Variants in TBX15 observed in about 807,000 individuals in gnomAD.
TBX15 encodes T-box transcription factor 15, also known as T-box transcription factor TBX15.
Under a neutral mutation model 53.9 loss-of-function variants are expected in TBX15, and 18 were observed. The observed-to-expected ratio is 0.33, with a 90% confidence interval of 0.23 to 0.49. The LOEUF (loss-of-function observed/expected upper bound fraction) is 0.49. Among genes scored for constraint, TBX15 ranks in the 20% least tolerant of loss-of-function variants. The pLI, the probability that TBX15 is intolerant of heterozygous loss-of-function variation, is 0.98. For missense variants in TBX15, 692 were observed against 749.5 expected (o/e 0.92, Z 0.90); for synonymous variants, 295 against 278.0 (o/e 1.06, Z -0.61).
chr1:118,899,111 G>T lies in TBX15; in HGVS notation c.941C>A (p.Ala314Asp). The part of the protein sequence containing the change: ...DSGRNRTGLE[A>D]IMETYAFWRP... ...CCAGAATGCATATGTCTCCATGATGGCTTCAAGTCCAGTTCTGACAAGAGA... is the reference window on the plus strand; with the variant it reads ...CCAGAATGCATATGTCTCCATGATGTCTTCAAGTCCAGTTCTGACAAGAGA... The change falls in exon 7 of 8, where the codon GCC (alanine) becomes GAC (aspartate). Residue 314 changes from alanine (A) to aspartate (D), a missense_variant. By Grantham distance (126) the Ala-to-Asp change is moderately radical. Transcript: ENST00000369429. 2 of 1,613,530 alleles carry T rather than the reference G, an allele frequency of 1.2e-6. No individual in the cohort carries two copies. The highest frequency in any genetic ancestry group is 8.5e-7 in the Non-Finnish European group (1 of 1,179,644).
At chr1:118,886,948 G>A (rs1653964843) in intron 7 of TBX15, among the ~76,000 whole-genome samples, 1 of 152,212 alleles carries the variant, frequency 6.6e-6, no homozygotes, top group African/African-American at 2.4e-5. Flanking sequence ...CCGACAGACT[G>A]AGGACCAGTT....
At chr1:118,899,498 T>C (rs904776097) in intron 6 of TBX15, among the ~76,000 whole-genome samples, 13 of 152,172 alleles carry the variant, frequency 8.5e-5, no homozygotes, top group Non-Finnish European at 1.9e-4. Context: ...CACAGAACAA[T>C]GTCGTCATCA....
At position 118,884,677 on chromosome 1, in the gene TBX15, C is replaced by T. The variant is rs916591526; in HGVS notation, c.*55G>A. 21 of 1,608,844 alleles carry T rather than the reference C, an allele frequency of 1.3e-5. No individual in the cohort carries two copies. Among genetic ancestry groups the T allele is most frequent in the African/African-American group, 6.7e-5 (5 of 74,748 alleles). ...GGACTCCCAAAGAGGAGGATCTGAC[C>T]ACGGAGACTCTGGGGCCTTGATTGC... On this transcript the variant is annotated 3_prime_UTR_variant, in exon 8 of 8. Coordinates refer to ENST00000369429, the MANE Select transcript of TBX15 (RefSeq NM_001330677.2).
In TBX15 at chr1:118,898,491, A is replaced by T. The variant is rs1205859183; in HGVS notation, c.1024+537T>A. 2.0e-5 allele frequency among the ~76,000 whole-genome samples: 3 copies of T among 152,256 alleles called. No individual in the cohort carries two copies. The South Asian group carries it at 6.2e-4, about 32-fold the overall frequency. On this transcript the variant is annotated intron_variant, in intron 7 of 7. Coordinates refer to ENST00000369429, the MANE Select transcript of TBX15 (RefSeq NM_001330677.2). ...TTCAAAGCAGTAGGGGGGAAAGTCT[A>T]CTTATTCCACCAACTGAGAGGGGTG...
At chr1:118,893,299 AAGGAAGGAAG>A (rs1654223949) in intron 7 of TBX15, among the ~76,000 whole-genome samples, 1 of 136,064 alleles carries the variant, frequency 7.3e-6, no homozygotes, top group Non-Finnish European at 1.5e-5. Flanking sequence ...GGAAGGAAGG[AAGGAAGGAAG>A]GAAGGAAAGA....
intron 1 of TBX15, among the ~76,000 whole-genome samples, chr1:118,953,518 C>T (rs1028193710): frequency 6.6e-6 from 1 of 152,052 alleles, no homozygotes; most frequent in African/African-American, 2.4e-5. Context: ...AATTATAAAA[C>T]ACATTTTAAA....
chr1:118,884,558 C>T lies in TBX15; in HGVS notation c.*174G>A. On this transcript the variant is annotated 3_prime_UTR_variant, in exon 8 of 8. Coordinates refer to ENST00000369429, the MANE Select transcript of TBX15 (RefSeq NM_001330677.2). ...GGATGATTCTATCGCAAGTATCCTT[C>T]ACTGGCTTAAAGGTATCTCTTGTTC... The T allele has an allele frequency of 1.3e-6, 1 of 757,830 alleles. No homozygotes were observed. Among genetic ancestry groups the T allele is most frequent in the East Asian group, 2.7e-5 (1 of 36,746 alleles). The allele number at this position is 757,830 out of a possible 1,614,324, so 46.9% of individuals were successfully genotyped here.
chr1:118,894,476 G>A (rs781321700), intron 7 of TBX15, among the ~76,000 whole-genome samples: 3 of 152,096 alleles, frequency 2.0e-5, no homozygotes, highest in Non-Finnish European at 4.4e-5. Flanking sequence ...AGAAGGTTGA[G>A]GTGCAAAGAT....
intron 1 of TBX15, among the ~76,000 whole-genome samples, chr1:118,978,038 T>G (rs1657495994): frequency 6.6e-6 from 1 of 152,234 alleles, no homozygotes; most frequent in South Asian, 2.1e-4. Context: ...CAGAAAATGT[T>G]CAAAGCATAA....
chr1:118,983,594 A>G (rs1316756378), intron 1 of TBX15, among the ~76,000 whole-genome samples: 1 of 152,192 alleles, frequency 6.6e-6, no homozygotes, highest in African/African-American at 2.4e-5. Context: ...ACTTACCAAA[A>G]GGGTGACCTC....
intron 1 of TBX15, among the ~76,000 whole-genome samples, chr1:118,946,350 T>A (rs1656347035): frequency 6.6e-6 from 1 of 152,184 alleles, no homozygotes; most frequent in Non-Finnish European, 1.5e-5. Flanking sequence ...GGTTTACAAG[T>A]CACCTAAAAT....
chr1:118,885,722 C>T (rs1325724419), intron 7 of TBX15, among the ~76,000 whole-genome samples: 1 of 152,108 alleles, frequency 6.6e-6, no homozygotes, highest in East Asian at 1.9e-4. Flanking sequence ...CTCACACACA[C>T]ACACACACAC....
chr1:118,893,402 A>AAACT (rs1654249886), intron 7 of TBX15, among the ~76,000 whole-genome samples: 1 of 125,648 alleles, frequency 8.0e-6, no homozygotes, highest in Non-Finnish European at 1.7e-5. Context: ...AGAAAGAAAG[A>AAACT]AAGAAAGGAA....
At chr1:118,943,545 T>C (rs1656251896) in intron 1 of TBX15, among the ~76,000 whole-genome samples, 1 of 152,108 alleles carries the variant, frequency 6.6e-6, no homozygotes, top group African/African-American at 2.4e-5. Context: ...AAAGGGTAGA[T>C]CACTAAGAAA....
In TBX15 at chr1:118,893,332, A is replaced by G. The variant is rs183505709; in HGVS notation, c.1024+5696T>C. 2.2e-3 allele frequency among the ~76,000 whole-genome samples: 170 copies of G among 77,720 alleles called. 2 individuals are homozygous for G. Among genetic ancestry groups the G allele is most frequent in the African/African-American group, 3.7e-3 (40 of 10,834 alleles). 51.0% of individuals were successfully genotyped at this position (77,720 alleles called of 152,430 possible). A position where few individuals can be genotyped will look rare whatever the true frequency, so the allele number is the denominator to read the frequency against. On this transcript the variant is annotated intron_variant, in intron 7 of 7. Transcript: ENST00000369429. ...AAGGAAGGAAAGAAAGAAAGAAGAA[A>G]GAAGGAAGGAAGGAAGGAAGGAAGG...
intron 5 of TBX15, 68 bp downstream of exon 5, chr1:118,923,368 C>T: frequency 6.3e-7 from 1 of 1,593,234 alleles, no homozygotes; most frequent in South Asian, 1.1e-5. Context: ...TAAATAATAC[C>T]TAAGGAATCT....
chr1:118,942,782 A>C (rs1392606126), intron 1 of TBX15, among the ~76,000 whole-genome samples: 1 of 152,216 alleles, frequency 6.6e-6, no homozygotes, highest in African/African-American at 2.4e-5. Flanking sequence ...CATTAACCTA[A>C]GAAGAGAAGG....
At chr1:118,922,524 G>C (rs990724788) in intron 5 of TBX15, among the ~76,000 whole-genome samples, 1 of 152,004 alleles carries the variant, frequency 6.6e-6, no homozygotes, top group Non-Finnish European at 1.5e-5. Context: ...TTTCAAGACC[G>C]GAAACACAAG....
chr1:118,909,537 T>C (rs977842598), intron 6 of TBX15, among the ~76,000 whole-genome samples: 2 of 152,192 alleles, frequency 1.3e-5, no homozygotes, highest in African/African-American at 4.8e-5. Flanking sequence ...GACTTCTCCA[T>C]GGATATCTCT....
Sources: gnomAD v4.1 joint callset for allele counts (sites outside exome capture counted in the v4.1 genomes callset) on GRCh38, gnomAD v4.1.1 for gene constraint, MANE v1.5 for transcripts, NCBI Gene and HGNC (gene_info 2026-07-23, HGNC 2026-07-21) for gene names.